SPG7: variants seen among roughly 807,000 people sequenced by gnomAD.
SPG7 encodes SPG7 matrix AAA peptidase subunit, paraplegin.
A neutral mutation model predicts 81.9 loss-of-function variants in SPG7; 103 were observed. The ratio of observed to expected loss-of-function variants is 1.26; its 90% CI spans 1.07 to 1.48. The LOEUF (loss-of-function observed/expected upper bound fraction) is 1.48. SPG7 is among the 40% of genes most tolerant of loss of function. SPG7 has a pLI of 0.00. For synonymous variants in SPG7, 534 were observed against 444.2 expected (o/e 1.20, Z -2.54); for missense variants, 1,241 against 1,087.3 (o/e 1.14, Z -1.99).
At chr16:89,538,019 G>C (rs528844739) in intron 9 of SPG7, 125 of 152,738 alleles carry the variant, frequency 8.2e-4, no homozygotes, top group African/African-American at 1.3e-3. Flanking sequence ...TGGGGGTTGC[G>C]AGCACTGCCG....
intron 12 of SPG7, chr16:89,549,576 G>C (rs2058608714): frequency 3.9e-6 from 1 of 256,892 alleles, no homozygotes; most frequent in Non-Finnish European, 7.7e-6. Flanking sequence ...GCTGCAGCAG[G>C]AGGATTGCTT....
chr16:89,528,308 C>T (rs1041071084), intron 5 of SPG7, among the ~76,000 whole-genome samples: 8 of 151,116 alleles, frequency 5.3e-5, no homozygotes, highest in African/African-American at 9.7e-5. Flanking sequence ...AGGAGGATGG[C>T]GTGAACCCGG....
chr16:89,543,347 C>CTTTTTTTTTTTTTTTTTT lies in SPG7; in HGVS notation c.1325-1284_1325-1283insTTTTTTTTTTTTTTTTTT, dbSNP rs57995524. 2.1e-4 allele frequency: 23 copies of CTTTTTTTTTTTTTTTTTT among 108,986 alleles called. 2 individuals are homozygous for CTTTTTTTTTTTTTTTTTT. The highest frequency in any genetic ancestry group is 2.8e-4 in the African/African-American group (8 of 28,444). The allele number at this position is 108,986 out of a possible 1,614,324, so 6.8% of individuals were successfully genotyped here. A position where few individuals can be genotyped will look rare whatever the true frequency, so the allele number is the denominator to read the frequency against. On this transcript the variant is annotated intron_variant, in intron 9 of 16. Coordinates refer to ENST00000645818, the MANE Select transcript of SPG7 (RefSeq NM_003119.4). ...AACACTGTTTATTGTGGACCTTTTC[C>CTTTTTTTTTTTTTTTTTT]TTTTTTTTTTTTTTTTTGAGAGTCT...
At chr16:89,556,246 C>T in intron 16 of SPG7, 1 of 400,578 alleles carries the variant, frequency 2.5e-6, no homozygotes, top group Non-Finnish European at 4.4e-6. Flanking sequence ...ATCACCCTAG[C>T]TTCAGGGGTT....
In SPG7 at chr16:89,524,768, A is replaced by G. The variant is rs114486161; in HGVS notation, c.618+521A>G. ...CCAGATCTGGTAACTTTAGATTCCA[A>G]GAGTGCGTCAGAACATGTGCTTGGA... On this transcript the variant is annotated intron_variant, in intron 4 of 16. Transcript: ENST00000645818. Among the ~76,000 whole-genome samples the G allele has an allele frequency of 7.1e-3, 1,079 of 152,124 alleles. 19 individuals carry two copies. The highest frequency in any genetic ancestry group is 0.024 in the African/African-American group (1,005 of 41,492).
intron 16 of SPG7, 151 bp downstream of exon 16, chr16:89,554,714 T>G (rs1021570154): frequency 1.5e-6 from 1 of 661,080 alleles, no homozygotes; most frequent in South Asian, 1.6e-5. Flanking sequence ...CAACTGAAAC[T>G]TACGTGTTCC....
At chr16:89,540,808 C>A in intron 9 of SPG7, 2 of 806,014 alleles carry the variant, frequency 2.5e-6, no homozygotes, top group Non-Finnish European at 3.0e-6. Flanking sequence ...GGGTGCTCAT[C>A]CCAGGAAAGC....
In SPG7 at chr16:89,553,915, C is replaced by T. The variant is rs776262023; in HGVS notation, c.2058C>T (p.Ile686=). The T allele has an allele frequency of 5.8e-5, 94 of 1,612,654 alleles. No homozygotes were observed. Among genetic ancestry groups the T allele is most frequent in the Middle Eastern group, 1.7e-4 (1 of 5,818 alleles). ...FPEAQEGLMG[I]GRRPFSQGLQ... is the part of the protein sequence containing the mutation. Reference sequence around the variant, plus strand: ...AGGCGCAGGAGGGCCTCATGGGCATCGGGCGGCGCCCCTTCAGCCAAGGCC... The same window carrying T: ...AGGCGCAGGAGGGCCTCATGGGCATTGGGCGGCGCCCCTTCAGCCAAGGCC... The change falls in exon 15 of 17, where the codon ATC becomes ATT. Residue 686 remains isoleucine, a synonymous_variant. Transcript: ENST00000645818.
chr16:89,544,357 G>A, intron 9 of SPG7: 1 of 407,650 alleles, frequency 2.5e-6, no homozygotes, highest in South Asian at 2.1e-5. Context: ...GCTCCCAGAT[G>A]GCACCGTGAG....
chr16:89,536,855 G>A (rs1470862304), intron 9 of SPG7: 7 of 1,614,018 alleles, frequency 4.3e-6, no homozygotes, highest in Non-Finnish European at 5.9e-6. Flanking sequence ...GAGCCCACAG[G>A]GTCACGGAGG....
Position 89,537,309 on chromosome 16 carries a change from A to G in SPG7, c.1324+4673A>G, listed in dbSNP as rs962928445. On this transcript the variant is annotated intron_variant, in intron 9 of 16. Transcript: ENST00000645818. ...AGCCCCCGGGAAGGGCGCAAGTCAAAGAGCACTGGAGGCACCGCCGGCGAT... is the reference window on the plus strand; with the variant it reads ...AGCCCCCGGGAAGGGCGCAAGTCAAGGAGCACTGGAGGCACCGCCGGCGAT... 4.2e-5 allele frequency: 53 copies of G among 1,259,338 alleles called. No homozygotes were observed. The Admixed American group carries it at 6.4e-4, about 15-fold the overall frequency. 78.0% of individuals were successfully genotyped at this position (1,259,338 alleles called of 1,614,324 possible).
At chr16:89,546,398 C>T in intron 10 of SPG7, 1 of 437,060 alleles carries the variant, frequency 2.3e-6, no homozygotes, top group South Asian at 2.0e-5. Flanking sequence ...CTGCTTGTGG[C>T]CAGGCATGGT....
At chr16:89,543,298 A>T (rs1207749747) in intron 9 of SPG7, 2 of 144,062 alleles carry the variant, frequency 1.4e-5, no homozygotes, top group African/African-American at 2.6e-5. Flanking sequence ...TAGTCAAGGT[A>T]GGTCTTGTCG....
chr16:89,515,077 C>T (rs2058077765), intron 3 of SPG7, among the ~76,000 whole-genome samples: 1 of 151,302 alleles, frequency 6.6e-6, no homozygotes, highest in African/African-American at 2.4e-5. Context: ...GCTGGGACTA[C>T]AGGTGCCCGC....
At chr16:89,544,559 C>G in intron 9 of SPG7, 89 bp from the exon 10 acceptor site, 1 of 1,508,702 alleles carries the variant, frequency 6.6e-7, no homozygotes, top group Non-Finnish European at 9.2e-7. Context: ...GGTCTCTCTC[C>G]CTCCTGTGTC....
intron 13 of SPG7, chr16:89,551,448 G>A (rs1395668664): frequency 6.5e-6 from 1 of 153,712 alleles, no homozygotes; most frequent in African/African-American, 2.4e-5. Flanking sequence ...GTCTCAGCAG[G>A]GCTGAGGCAG....
chr16:89,531,593 C>G, intron 7 of SPG7: 1 of 397,694 alleles, frequency 2.5e-6, no homozygotes, highest in South Asian at 2.3e-5. Context: ...AGGCTGGTCT[C>G]AAACTCCTGA....
chr16:89,546,034 G>A (rs1026702075), intron 10 of SPG7: 60 of 370,678 alleles, frequency 1.6e-4, no homozygotes, highest in Admixed American at 5.2e-4. Flanking sequence ...TGCCAAGGCT[G>A]GTGTCAAACC....
At chr16:89,544,501 C>A (rs1288466993) in intron 9 of SPG7, 147 bp from the exon 10 acceptor site, 1 of 901,908 alleles carries the variant, frequency 1.1e-6, no homozygotes, top group African/African-American at 1.6e-5. Flanking sequence ...GATCGCGGCT[C>A]CTAGTTCAGA....
Sources: gnomAD v4.1 joint callset for allele counts (sites outside exome capture counted in the v4.1 genomes callset) on GRCh38, gnomAD v4.1.1 for gene constraint, MANE v1.5 for transcripts, NCBI Gene and HGNC (gene_info 2026-07-23, HGNC 2026-07-21) for gene names.